The following HERC4 variants were observed in gnomAD, a reference collection of about 807,000 sequenced individuals.
HERC4 encodes the protein probable E3 ubiquitin-protein ligase HERC4.
In HERC4, 28 loss-of-function variants were observed where a neutral mutation model predicts 124.3. That is an observed-to-expected ratio of 0.23 (90% CI 0.17 to 0.31). HERC4 has a LOEUF of 0.31. Ranked by LOEUF, HERC4 falls within the 10% of genes least tolerant of loss-of-function variation. HERC4 has a pLI of 1.00. For synonymous variants in HERC4, 407 were observed against 421.5 expected (o/e 0.97, Z 0.42); for missense variants, 713 against 1,229.3 (o/e 0.58, Z 6.28).
chr10:68,064,576 A>G (rs567509384), intron 3 of HERC4, among the ~76,000 whole-genome samples: 46 of 150,578 alleles, frequency 3.1e-4, no homozygotes, highest in Admixed American at 5.3e-4. Context: ...AAAAAAAAAA[A>G]AGAGAGAGAG....
chr10:67,992,771 C>G (rs551377356), intron 9 of HERC4, 89 bp from the exon 10 acceptor site: 1 of 676,166 alleles, frequency 1.5e-6, no homozygotes. Context: ...ACATAATCAT[C>G]TTATTTAATA....
chr10:67,994,030 G>GTT (rs1235875430), intron 9 of HERC4: 1 of 152,062 alleles, frequency 6.6e-6, no homozygotes, highest in African/African-American at 2.4e-5. Flanking sequence ...GTAAATACCT[G>GTT]TCCATACAAA....
At chr10:68,068,432 A>C (rs2041402423) in intron 3 of HERC4, 1 of 147,804 alleles carries the variant, frequency 6.8e-6, no homozygotes, top group Non-Finnish European at 1.5e-5. Context: ...GGCTGCAGTG[A>C]GCAGAGATCA....
At chr10:67,996,801 G>A (rs530697916) in intron 9 of HERC4, among the ~76,000 whole-genome samples, 49 of 151,720 alleles carry the variant, frequency 3.2e-4, no homozygotes, top group African/African-American at 9.2e-4. Flanking sequence ...GTGAAACCCC[G>A]TCTCTACTAA....
At chr10:68,059,891 AATATTATATATTATATAATATTATATATC>A in intron 3 of HERC4, among the ~76,000 whole-genome samples, 1 of 77,206 alleles carries the variant, frequency 1.3e-5, no homozygotes, top group South Asian at 3.8e-4. Context: ...TATATATCAT[AATATTATATATTATATAATATTATATATC>A]ATAATATTAT....
chr10:68,019,543 A>G (rs2038483693), intron 8 of HERC4, among the ~76,000 whole-genome samples: 1 of 152,172 alleles, frequency 6.6e-6, no homozygotes, highest in East Asian at 1.9e-4. Flanking sequence ...AAATCGTGGA[A>G]TAAGAAGCAC....
rs2036481158 is a variant in HERC4, at chr10:67,990,294, C to G, written c.1550G>C (p.Ser517Thr). The change falls in exon 14 of 25, where the codon AGT becomes ACT. Residue 517 changes from serine to threonine, a missense_variant. Coordinates refer to ENST00000373700, the MANE Select transcript of HERC4 (RefSeq NM_015601.4). The stretch of plus-strand genomic sequence containing the variant: ...TATTGTTGTGAAATTGTTGGAATCA[C>G]TCATCAGGGGACATTCTGGTAGAGT... The part of the protein sequence containing the change: ...YLTLPECPLM[S>T]DSNNFTTIAI... The G allele has an allele frequency of 6.2e-7, 1 of 1,612,850 alleles. No homozygotes were observed. Among genetic ancestry groups the G allele is most frequent in the East Asian group, 2.2e-5 (1 of 44,802 alleles).
At chr10:68,049,824 T>C (rs1487618980) in intron 3 of HERC4, among the ~76,000 whole-genome samples, 3 of 151,294 alleles carry the variant, frequency 2.0e-5, no homozygotes, top group Non-Finnish European at 4.4e-5. Flanking sequence ...GGTGGGAGGA[T>C]CTCTTAAGCC....
chr10:68,039,315 CAA>C (rs5785844), intron 4 of HERC4: 105,578 of 1,053,646 alleles, frequency 0.1, 1 homozygote, highest in East Asian at 0.18. Flanking sequence ...GACCCTGTCT[CAA>C]AAAAAAAAAA....
rs796407005 is a variant in HERC4 at position 68,059,615 on chromosome 10, C to CATA, written c.226+13265_226+13267dup. Among the ~76,000 whole-genome samples, 2,431 of 63,202 alleles carry CATA rather than the reference C, an allele frequency of 0.038. 436 individuals are homozygous for CATA. The East Asian group carries it at 0.45, about 12-fold the overall frequency. 41.5% of individuals were successfully genotyped at this position (63,202 alleles called of 152,430 possible). A position where few individuals can be genotyped will look rare whatever the true frequency, so the allele number is the denominator to read the frequency against. The stretch of plus-strand genomic sequence containing the variant: ...TATTATATATCATAATATTATATAT[C>CATA]ATAATATTATATATCATAATATTAT... On this transcript the variant is annotated intron_variant, in intron 3 of 24. Coordinates refer to ENST00000373700, the MANE Select transcript of HERC4 (RefSeq NM_015601.4).
At chr10:67,951,701 C>T (rs766042292) in intron 19 of HERC4, among the ~76,000 whole-genome samples, 10 of 152,144 alleles carry the variant, frequency 6.6e-5, no homozygotes, top group Admixed American at 2.6e-4. Flanking sequence ...CTTGCTCTTG[C>T]TCTTCTGTGT....
chr10:68,062,231 C>T (rs2041062734), intron 3 of HERC4, among the ~76,000 whole-genome samples: 1 of 152,172 alleles, frequency 6.6e-6, no homozygotes, highest in Non-Finnish European at 1.5e-5. Flanking sequence ...ACAAAATTCA[C>T]CTTACCAGAA....
chr10:67,969,063 T>C (rs2035073177), intron 15 of HERC4, among the ~76,000 whole-genome samples: 1 of 152,210 alleles, frequency 6.6e-6, no homozygotes, highest in Admixed American at 6.5e-5. Context: ...ATGTTCTCTG[T>C]CCACAATGGA....
chr10:67,979,205 A>G (rs895786482), intron 15 of HERC4, among the ~76,000 whole-genome samples: 4 of 152,176 alleles, frequency 2.6e-5, no homozygotes, highest in Admixed American at 1.3e-4. Flanking sequence ...GGAATTCTAA[A>G]TAGCTATTTT....
At chr10:67,926,910 T>C (rs899049812) in intron 23 of HERC4, among the ~76,000 whole-genome samples, 1 of 152,208 alleles carries the variant, frequency 6.6e-6, no homozygotes, top group African/African-American at 2.4e-5. Context: ...GCAAAGACCA[T>C]GTCTCTATCT....
intron 15 of HERC4, among the ~76,000 whole-genome samples, chr10:67,982,856 G>A (rs566061492): frequency 9.2e-5 from 14 of 152,086 alleles, no homozygotes; most frequent in African/African-American, 2.7e-4. Context: ...GGCAGGGTGC[G>A]GTGGCTCATG....
intron 9 of HERC4, among the ~76,000 whole-genome samples, chr10:67,997,084 T>C (rs2036933193): frequency 6.6e-6 from 1 of 152,138 alleles, no homozygotes; most frequent in Admixed American, 6.6e-5. Context: ...TGTTGCAGAA[T>C]ATTAAAGAGC....
chr10:68,056,529 C>T (rs571680920), intron 3 of HERC4, among the ~76,000 whole-genome samples: 4 of 152,284 alleles, frequency 2.6e-5, no homozygotes, highest in South Asian at 2.1e-4. Context: ...ATGGGCTGTA[C>T]TTGGTAGTAC....
At chr10:67,960,815 C>A in intron 16 of HERC4, 1 of 257,338 alleles carries the variant, frequency 3.9e-6, no homozygotes, top group South Asian at 4.4e-5. Context: ...CTGGTTTTCC[C>A]AGTTCAAACT....
Sources: gnomAD v4.1 joint callset for allele counts (sites outside exome capture counted in the v4.1 genomes callset) on GRCh38, gnomAD v4.1.1 for gene constraint, MANE v1.5 for transcripts, NCBI Gene and HGNC (gene_info 2026-07-23, HGNC 2026-07-21) for gene names.